KRT3: variants seen among roughly 807,000 people sequenced by gnomAD.
KRT3 encodes the protein keratin 3, also known as keratin, type II cytoskeletal 3.
KRT3 carries 34 observed loss-of-function variants against 45.8 expected under a neutral mutation model. The observed-to-expected ratio is 0.74, with a 90% CI of 0.57 to 0.99. The LOEUF (loss-of-function observed/expected upper bound fraction) is 0.99. Among genes scored for constraint, KRT3 ranks in the 50% least tolerant of loss-of-function variants. The pLI is 0.00. For synonymous variants in KRT3, 367 were observed against 329.0 expected, an observed-to-expected ratio of 1.12 and a Z score of -1.25; for missense variants, 828 against 820.6, an observed-to-expected ratio of 1.01 and a Z score of -0.11.
rs939665629 is a variant in KRT3 at position 52,794,197 on chromosome 12, G to T, written c.780C>A (p.Ser260Arg). ...TCTCCCCGAGGATGTTGTCCAGGTA[G>T]CTCCGCAGGTAGTTGATGTGATTCT... ...LFENHINYLR[S>R]YLDNILGERG... Residue 260 changes from serine (S) to arginine (R), a missense_variant, in exon 2 of 9, where the codon AGC (serine) becomes AGA (arginine). By Grantham distance (110) the Ser-to-Arg change is moderately radical (BLOSUM62 -1). Transcript: ENST00000417996. The T allele has an allele frequency of 3.7e-6, 6 of 1,614,072 alleles. No individual in the cohort carries two copies. In the African/African-American group the frequency reaches 6.7e-5, roughly 18 times the overall value.
rs551623027 is a variant in KRT3, at chr12:52,791,537, T to C, written c.1315-111A>G. On this transcript the variant is annotated intron_variant, in intron 6 of 8. Coordinates refer to ENST00000417996, the MANE Select transcript of KRT3 (RefSeq NM_057088.3). ...TCAGGGAACATTCCTCCTCCCCTAG[T>C]GCCTCCATCTTGTCTCCATTTGTGG... 1.4e-4 allele frequency: 196 copies of C among 1,429,742 alleles called. 1 individual carries two copies. In the South Asian group the frequency reaches 2.4e-3, roughly 17 times the overall value. 88.6% of individuals were successfully genotyped at this position (1,429,742 alleles called of 1,614,324 possible). A position where few individuals can be genotyped will look rare whatever the true frequency, so the allele number is the denominator to read the frequency against.
rs1201876816 is a variant in KRT3, at chr12:52,795,628, C to A, written c.415G>T (p.Gly139Cys). Reference sequence around the variant, plus strand: ...CCAGACCCACCAAAGCCACCAGGACCACCAAAGCCACCAGCCCCTCCAAAG... The same window carrying A: ...CCAGACCCACCAAAGCCACCAGGACAACCAAAGCCACCAGCCCCTCCAAAG... ...GGFGGAGGFG[G>C]PGGFGGSGGF... The change falls in exon 1 of 9, where the codon GGT becomes TGT. Residue 139 changes from glycine to cysteine, a missense_variant. Physicochemically the swap from Gly to Cys is radical, Grantham distance 159 (BLOSUM62 -3). Transcript: ENST00000417996. 6.3e-7 allele frequency: 1 copy of A among 1,585,114 alleles called. No homozygotes were observed. The highest frequency in any genetic ancestry group is 1.1e-5 in the South Asian group (1 of 88,440).
chr12:52,791,882 C>A, intron 5 of KRT3, 66 bp from the exon 6 acceptor site: 1 of 1,538,514 alleles, frequency 6.5e-7, no homozygotes, highest in Middle Eastern at 1.7e-4. Flanking sequence ...ACACCTCCAA[C>A]ATCACCCACC....
rs762033989 is a variant in KRT3 at position 52,795,351 on chromosome 12, T to C, written c.645+47A>G. Reference sequence around the variant, plus strand: ...AAACACTGTGTCCCAAAGGTCAAATTCAAAGTCCCCAGCCCAGGAAGGGAT... The same window carrying C: ...AAACACTGTGTCCCAAAGGTCAAATCCAAAGTCCCCAGCCCAGGAAGGGAT... On this transcript the variant is annotated intron_variant, in intron 1 of 8. Coordinates refer to ENST00000417996, the MANE Select transcript of KRT3 (RefSeq NM_057088.3). 44 of 1,610,316 alleles carry C rather than the reference T, an allele frequency of 2.7e-5. 2 individuals carry two copies. In the South Asian group the frequency reaches 4.8e-4, roughly 18 times the overall value.
Position 52,792,306 on chromosome 12 carries a change from A to G in KRT3, c.1121T>C (p.Val374Ala). Residue 374 changes from valine (V) to alanine (A), a missense_variant, in exon 5 of 9, where the codon GTT becomes GCT. By Grantham distance (64) the Val-to-Ala change is moderately conservative (BLOSUM62 0). Transcript: ENST00000417996. ...SLDLDSIIAE[V>A]RAQYEDIAQR... ...AGCGATATCCTCATACTGTGCACGA[A>G]CTTCAGCAATGATGCTGTCCAGGTC... 1 of 1,614,060 alleles carries G rather than the reference A, an allele frequency of 6.2e-7. No individual in the cohort carries two copies. Among genetic ancestry groups the G allele is most frequent in the Non-Finnish European group, 8.5e-7 (1 of 1,179,976 alleles).
chr12:52,793,133 A>G (rs773537792), intron 3 of KRT3, 30 bp downstream of exon 3: 6 of 1,589,490 alleles, frequency 3.8e-6, no homozygotes, highest in Non-Finnish European at 5.2e-6. Context: ...TGCAGCTGCA[A>G]GCCTCAGAAA....
chr12:52,789,838 C>T lies in KRT3; in HGVS notation c.*204G>A. The T allele has an allele frequency of 1.5e-6, 1 of 656,568 alleles. No individual in the cohort carries two copies. The highest frequency in any genetic ancestry group is 2.7e-5 in the East Asian group (1 of 36,740). 40.7% of individuals were successfully genotyped at this position (656,568 alleles called of 1,614,324 possible). On this transcript the variant is annotated 3_prime_UTR_variant, in exon 9 of 9. Transcript: ENST00000417996. ...GGCCACACCTGGACAATCACAGGCA[C>T]AGGCTGGAGCCGGAGAGAAGAGCCT...
Position 52,795,629 on chromosome 12 carries a change from ACCAAAGCCACCAGCCCCT to A in KRT3, c.396_413del (p.Ala134_Gly139del), listed in dbSNP as rs148531142. On this transcript the variant is annotated inframe_deletion, in exon 1 of 9. Coordinates refer to ENST00000417996, the MANE Select transcript of KRT3 (RefSeq NM_057088.3). ...CAGACCCACCAAAGCCACCAGGACC[ACCAAAGCCACCAGCCCCT>A]CCAAAGCCACCAGCCCCTCCAAAGC... 0.053 allele frequency: 83,554 copies of A among 1,585,940 alleles called. 10,953 individuals carry two copies. The East Asian group carries it at 0.55, about 11-fold the overall frequency.
rs1400103770 is a variant in KRT3, at chr12:52,795,808, C to G, written c.235G>C (p.Gly79Arg). 1 of 1,613,942 alleles carries G rather than the reference C, an allele frequency of 6.2e-7. No individual in the cohort carries two copies. The highest frequency in any genetic ancestry group is 2.2e-5 in the East Asian group (1 of 44,896). The change falls in exon 1 of 9, where the codon GGC becomes CGC. Residue 79 changes from glycine to arginine, a missense_variant. Physicochemically the swap from Gly to Arg is moderately radical, Grantham distance 125. Transcript: ENST00000417996. The part of the protein sequence containing the change: ...SVAAGGSRAG[G>R]FGGGRSSCAF... ...CAGCTGCTCCGCCCTCCCCCAAAGC[C>G]TCCAGCCCGGGAGCCGCCAGCTGCC... is the stretch of plus-strand genomic sequence containing the variant.
Position 52,791,240 on chromosome 12 carries a change from T to C in KRT3, c.1501A>G (p.Thr501Ala). 1 of 1,614,174 alleles carries C rather than the reference T, an allele frequency of 6.2e-7. No homozygotes were observed. Reference sequence around the variant, plus strand: ...TCGCCCTCCAGCAGCTTGCGGTAGGTGGCGATCTCCACGTCCAGGGCCAGC... The same window carrying C: ...TCGCCCTCCAGCAGCTTGCGGTAGGCGGCGATCTCCACGTCCAGGGCCAGC... ...VKLALDVEIA[T>A]YRKLLEGEEY... Residue 501 changes from threonine to alanine, a missense_variant, in exon 7 of 9, where the codon ACC (threonine) becomes GCC (alanine). Physicochemically the swap from Thr to Ala is moderately conservative, Grantham distance 58. Coordinates refer to ENST00000417996, the MANE Select transcript of KRT3 (RefSeq NM_057088.3).
intron 8 of KRT3, 61 bp from the exon 9 acceptor site, chr12:52,790,419 T>C: frequency 6.8e-7 from 1 of 1,476,812 alleles, no homozygotes; most frequent in African/African-American, 1.4e-5. Flanking sequence ...GCTATGTTAT[T>C]GTCAATGATC....
rs1939536372 is a variant in KRT3, at chr12:52,792,345, T to G, written c.1082A>C (p.Asn361Thr). ...GCTGTCCAGGTCCAGGGAGCGATTA[T>G]TGTCCATGGACAGCACCACAGATGT... Reference protein sequence around the residue: ...SDTSVVLSMDNNRSLDLDSII... With the variant: ...SDTSVVLSMDTNRSLDLDSII... Residue 361 changes from asparagine (N) to threonine (T), a missense_variant, in exon 5 of 9, where the codon AAT (asparagine) becomes ACT (threonine). Coordinates refer to ENST00000417996, the MANE Select transcript of KRT3 (RefSeq NM_057088.3). 1 of 1,613,484 alleles carries G rather than the reference T, an allele frequency of 6.2e-7. No individual in the cohort carries two copies. The highest frequency in any genetic ancestry group is 1.7e-5 in the Admixed American group (1 of 60,008).
chr12:52,794,596 G>T (rs114883108), intron 1 of KRT3, among the ~76,000 whole-genome samples: 2,015 of 152,300 alleles, frequency 0.013, 50 homozygotes, highest in African/African-American at 0.046. Flanking sequence ...ATTGCTTGTT[G>T]TTCCTGGGAA....
chr12:52,792,910 G>T (rs949394724), intron 3 of KRT3, 104 bp from the exon 4 acceptor site: 1 of 795,932 alleles, frequency 1.3e-6, no homozygotes, highest in Non-Finnish European at 2.1e-6. Flanking sequence ...GATGGTCCTT[G>T]TCTAAGACCA....
At chr12:52,793,974 C>G (rs748562248) in intron 2 of KRT3, 137 bp downstream of exon 2, 32 of 666,556 alleles carry the variant, frequency 4.8e-5, no homozygotes, top group Non-Finnish European at 7.7e-5. Context: ...ATGAACCAAG[C>G]TGTCCTTCAT....
At chr12:52,790,393 G>A (rs886131173) in intron 8 of KRT3, 35 bp from the exon 9 acceptor site, 1 of 1,551,534 alleles carries the variant, frequency 6.4e-7, no homozygotes, top group Non-Finnish European at 8.7e-7. Context: ...GATCAGCGAC[G>A]GCGCCCAGGC....
intron 8 of KRT3, among the ~76,000 whole-genome samples, 183 bp downstream of exon 8, chr12:52,790,655 G>C (rs779072956): frequency 6.6e-6 from 1 of 152,108 alleles, no homozygotes; most frequent in African/African-American, 2.4e-5. Context: ...CACATTGGCC[G>C]TCGAAGCCTA....
chr12:52,793,173 G>A lies in KRT3; in HGVS notation c.917C>T (p.Thr306Ile), dbSNP rs1249272535. ...KRTAAENEFV[T>I]LKKDVDSAYM... ...ACACACAGCCCTTACCTTCTTCAGA[G>A]TCACAAATTCATTCTCAGCAGCTGT... Residue 306 changes from threonine (T) to isoleucine (I), a missense_variant, in exon 3 of 9, where the codon ACT (threonine) becomes ATT (isoleucine). Transcript: ENST00000417996. 6 of 1,611,354 alleles carry A rather than the reference G, an allele frequency of 3.7e-6. No homozygotes were observed. In the South Asian group the frequency reaches 6.6e-5, roughly 18 times the overall value.
intron 8 of KRT3, 107 bp downstream of exon 8, chr12:52,790,731 C>G: frequency 9.7e-7 from 1 of 1,028,378 alleles, no homozygotes; most frequent in Admixed American, 2.0e-5. Flanking sequence ...TCCCAGAAAA[C>G]CCCTCCAACT....
Sources: allele counts gnomAD v4.1 joint callset (sites outside exome capture counted in the v4.1 genomes callset), GRCh38; gene constraint gnomAD v4.1.1; transcripts MANE v1.5; gene names NCBI Gene and HGNC (gene_info 2026-07-23, HGNC 2026-07-21).